Variants in NCAM2 observed in about 807,000 individuals in gnomAD.
NCAM2 encodes the protein neural cell adhesion molecule 2.
In NCAM2, 30 loss-of-function variants were observed where a neutral mutation model predicts 98.1. That is an observed-to-expected ratio of 0.31 (90% CI 0.23 to 0.41). The LOEUF is 0.41. Among genes scored for constraint, NCAM2 ranks in the 10% least tolerant of loss-of-function variants. NCAM2 has a pLI of 1.00. For missense variants in NCAM2, 867 were observed against 1,005.8 expected (o/e 0.86, Z 1.87); for synonymous variants, 368 against 342.4 (o/e 1.07, Z -0.83).
intron 1 of NCAM2, among the ~76,000 whole-genome samples, chr21:21,044,624 G>C (rs1281006229): frequency 6.6e-6 from 1 of 152,000 alleles, no homozygotes; most frequent in Non-Finnish European, 1.5e-5. Context: ...AAAAATAAAA[G>C]AATTATGTTC....
chr21:21,277,129 A>G (rs1043576104), intron 1 of NCAM2, among the ~76,000 whole-genome samples: 2 of 152,122 alleles, frequency 1.3e-5, no homozygotes, highest in African/African-American at 4.8e-5. Context: ...CACATTTCTT[A>G]GATTCCTGAT....
intron 1 of NCAM2, among the ~76,000 whole-genome samples, chr21:21,126,391 C>A (rs1238053076): frequency 6.6e-6 from 1 of 151,760 alleles, no homozygotes; most frequent in Non-Finnish European, 1.5e-5. Flanking sequence ...GCTAAACATA[C>A]ACATCCATAC....
intron 15 of NCAM2, among the ~76,000 whole-genome samples, chr21:21,479,608 A>AAAAAAAAAAAAAAAAAAAAAAAC (rs1491473437): frequency 7.8e-6 from 1 of 127,916 alleles, no homozygotes; most frequent in Non-Finnish European, 1.8e-5. Context: ...AAAAAAAAAA[A>AAAAAAAAAAAAAAAAAAAAAAAC]TTGTTGATGA....
chr21:21,312,091 T>G (rs1272808629), intron 5 of NCAM2, among the ~76,000 whole-genome samples: 1 of 152,248 alleles, frequency 6.6e-6, no homozygotes, highest in East Asian at 1.9e-4. Context: ...GTCTTACAGA[T>G]AAAGTATTCA....
chr21:21,140,969 T>A (rs764014841), intron 1 of NCAM2, among the ~76,000 whole-genome samples: 1 of 152,142 alleles, frequency 6.6e-6, no homozygotes, highest in Admixed American at 6.5e-5. Flanking sequence ...TGTACCCTGC[T>A]GTGAAGGACT....
intron 1 of NCAM2, among the ~76,000 whole-genome samples, chr21:21,204,226 G>A (rs2069348827): frequency 1.3e-5 from 2 of 152,036 alleles, no homozygotes; most frequent in South Asian, 2.1e-4. Context: ...GCTCTTTGAT[G>A]TCTACTGCTG....
intron 12 of NCAM2, among the ~76,000 whole-genome samples, chr21:21,443,134 G>T (rs1979560027): frequency 6.6e-6 from 1 of 152,150 alleles, no homozygotes; most frequent in East Asian, 1.9e-4. Flanking sequence ...CAGGGACATG[G>T]ATGAAGCTGG....
At chr21:21,054,525 T>C (rs1486405396) in intron 1 of NCAM2, among the ~76,000 whole-genome samples, 1 of 152,014 alleles carries the variant, frequency 6.6e-6, no homozygotes, top group Non-Finnish European at 1.5e-5. Context: ...ATAGACTCGA[T>C]AATATCTATC....
chr21:21,515,657 T>C (rs555304912), intron 16 of NCAM2, among the ~76,000 whole-genome samples: 2 of 152,274 alleles, frequency 1.3e-5, no homozygotes, highest in East Asian at 3.9e-4. Flanking sequence ...CAGTGGAAAA[T>C]TTAATTTACT....
At chr21:21,356,840 A>AT (rs1299365597) in intron 8 of NCAM2, among the ~76,000 whole-genome samples, 1 of 152,028 alleles carries the variant, frequency 6.6e-6, no homozygotes, top group African/African-American at 2.4e-5. Flanking sequence ...AAAATACAAA[A>AT]TTAGCAGGGC....
intron 1 of NCAM2, among the ~76,000 whole-genome samples, chr21:21,027,524 C>T (rs1021423383): frequency 3.9e-5 from 6 of 152,164 alleles, no homozygotes; most frequent in African/African-American, 1.4e-4. Flanking sequence ...ACTAATACAG[C>T]ACTTCGTTAT....
intron 15 of NCAM2, among the ~76,000 whole-genome samples, chr21:21,485,126 A>G (rs1410930315): frequency 6.6e-6 from 1 of 152,128 alleles, no homozygotes; most frequent in East Asian, 1.9e-4. Context: ...GTGTATCCCA[A>G]TTGTGCTGCT....
chr21:21,532,545 TAGTA>T (rs889503845), intron 16 of NCAM2, among the ~76,000 whole-genome samples: 1 of 152,160 alleles, frequency 6.6e-6, no homozygotes. Flanking sequence ...TATTAATTCT[TAGTA>T]AGAAAAAGAA....
intron 1 of NCAM2, among the ~76,000 whole-genome samples, chr21:21,039,686 A>G (rs2146255971): frequency 6.6e-6 from 1 of 152,322 alleles, no homozygotes; most frequent in African/African-American, 2.4e-5. Context: ...GTGTGTGAAA[A>G]CATTACAAAT....
intron 1 of NCAM2, among the ~76,000 whole-genome samples, chr21:21,217,767 T>G (rs1319598917): frequency 6.6e-6 from 1 of 152,044 alleles, no homozygotes; most frequent in Non-Finnish European, 1.5e-5. Flanking sequence ...CAAAAAGTAA[T>G]GGCAGAGGTG....
chr21:21,004,779 G>A lies in NCAM2; in HGVS notation c.55+6161G>A, dbSNP rs1007812977. 3.9e-5 allele frequency among the ~76,000 whole-genome samples: 6 copies of A among 151,922 alleles called. No individual in the cohort carries two copies. The East Asian group carries it at 5.8e-4, about 15-fold the overall frequency. On this transcript the variant is annotated intron_variant, in intron 1 of 17. Transcript: ENST00000400546. ...TTAGCTTGTTATTATTACGATTATC[G>A]TTCCTTTATCCATGAGGGCCATGAG...
rs1442641702 is a variant in NCAM2 at position 21,301,304 on chromosome 21, T to G, written c.619+9063T>G. On this transcript the variant is annotated intron_variant, in intron 5 of 17. Coordinates refer to ENST00000400546, the MANE Select transcript of NCAM2 (RefSeq NM_004540.5). ...TTCTGGGGACTCAGCCAAAAATTAT[T>G]TGCGAAATTGGATGTCTAGAAGGGT... Among the ~76,000 whole-genome samples the G allele has an allele frequency of 4.6e-5, 7 of 152,238 alleles. No individual in the cohort carries two copies. The South Asian group carries it at 1.5e-3, about 32-fold the overall frequency.
chr21:21,509,812 A>C (rs1202453582), intron 16 of NCAM2, among the ~76,000 whole-genome samples: 3 of 152,302 alleles, frequency 2.0e-5, no homozygotes, highest in African/African-American at 7.2e-5. Flanking sequence ...CAATGCAAAA[A>C]ATTCAGCAAG....
At position 21,210,967 on chromosome 21, in the gene NCAM2, AACACACAC is replaced by A. The variant is rs71195310; in HGVS notation, c.56-69562_56-69555del. Among the ~76,000 whole-genome samples, 578 of 127,364 alleles carry A rather than the reference AACACACAC, an allele frequency of 4.5e-3. 3 individuals carry two copies. The highest frequency in any genetic ancestry group is 0.011 in the South Asian group (41 of 3,608). The allele number at this position is 127,364 out of a possible 152,430, so 83.6% of individuals were successfully genotyped here. A position where few individuals can be genotyped will look rare whatever the true frequency, so the allele number is the denominator to read the frequency against. ...CAGGAGTTTACTAATACTCTCCCCA[AACACACAC>A]ACACACACACACACACACACACACA... On this transcript the variant is annotated intron_variant, in intron 1 of 17. Coordinates refer to ENST00000400546, the MANE Select transcript of NCAM2 (RefSeq NM_004540.5).
Sources: allele counts gnomAD v4.1 joint callset (sites outside exome capture counted in the v4.1 genomes callset), GRCh38; gene constraint gnomAD v4.1.1; transcripts MANE v1.5; gene names NCBI Gene and HGNC (gene_info 2026-07-23, HGNC 2026-07-21).